Variants in COL22A1 observed in about 807,000 individuals in gnomAD.
The protein encoded by COL22A1 is collagen type XXII alpha 1 chain, also known as collagen alpha-1(XXII) chain.
In COL22A1, 221 loss-of-function variants were observed where a neutral mutation model predicts 248.9. The ratio of observed to expected loss-of-function variants is 0.89; its 90% CI spans 0.80 to 0.99. COL22A1 has a LOEUF of 0.99. Among genes scored for constraint, COL22A1 ranks in the 50% least tolerant of loss-of-function variants. The pLI is 0.00. For missense variants in COL22A1, 2,240 were observed against 2,179.0 expected (o/e 1.03, Z -0.56); for synonymous variants, 891 against 793.4 (o/e 1.12, Z -2.07).
At chr8:138,775,871 C>T in intron 16 of COL22A1, 95 bp downstream of exon 16, 1 of 1,174,588 alleles carries the variant, frequency 8.5e-7, no homozygotes, top group South Asian at 1.2e-5. Flanking sequence ...AATGTGTACA[C>T]ACACACACGA....
intron 1 of COL22A1, among the ~76,000 whole-genome samples, chr8:138,901,947 G>A (rs1482801646): frequency 1.3e-5 from 2 of 152,054 alleles, no homozygotes; most frequent in African/African-American, 2.4e-5. Context: ...CATGGTAAGC[G>A]AGCTCCCCAT....
At chr8:138,869,515 A>G (rs1823157041) in intron 3 of COL22A1, among the ~76,000 whole-genome samples, 1 of 152,260 alleles carries the variant, frequency 6.6e-6, no homozygotes, top group African/African-American at 2.4e-5. Context: ...CAGTGACCCA[A>G]CGGTTCCAGG....
intron 4 of COL22A1, among the ~76,000 whole-genome samples, chr8:138,833,430 G>C (rs1387895849): frequency 6.6e-6 from 1 of 152,214 alleles, no homozygotes; most frequent in African/African-American, 2.4e-5. Flanking sequence ...TGAGACAAAT[G>C]GAGGGTGTCC....
intron 9 of COL22A1, among the ~76,000 whole-genome samples, chr8:138,809,787 G>C (rs1818053865): frequency 2.0e-5 from 3 of 152,100 alleles, no homozygotes; most frequent in Admixed American, 1.3e-4. Context: ...CAAAGTGAGA[G>C]GGTGTATTTC....
chr8:138,761,535 G>A (rs952450549), intron 17 of COL22A1, among the ~76,000 whole-genome samples: 2 of 151,572 alleles, frequency 1.3e-5, no homozygotes, highest in Admixed American at 6.6e-5. Context: ...TATTAATATA[G>A]TATATTAGAA....
At chr8:138,692,463 ATGTGTGTGTGTG>A (rs145298366) in intron 35 of COL22A1, among the ~76,000 whole-genome samples, 3,056 of 136,118 alleles carry the variant, frequency 0.022, 55 homozygotes, top group Middle Eastern at 0.053. Flanking sequence ...GTGTGAGTGC[ATGTGTGTGTGTG>A]TGTGTGTGTG....
rs60847304 is a variant in COL22A1, at chr8:138,744,481, C to CCACACACA, written c.2086-6912_2086-6905dup. The stretch of plus-strand genomic sequence containing the variant: ...ATGCACATGGATACACACACACACA[C>CCACACACA]CACACACACACACACACACACACTC... On this transcript the variant is annotated intron_variant, in intron 22 of 64. Coordinates refer to ENST00000303045, the MANE Select transcript of COL22A1 (RefSeq NM_152888.3). Among the ~76,000 whole-genome samples, 476 of 148,746 alleles carry CCACACACA rather than the reference C, an allele frequency of 3.2e-3. 1 individual carries two copies. The highest frequency in any genetic ancestry group is 0.011 in the African/African-American group (460 of 40,782).
At chr8:138,702,171 T>C (rs1828025054) in intron 31 of COL22A1, among the ~76,000 whole-genome samples, 1 of 152,216 alleles carries the variant, frequency 6.6e-6, no homozygotes, top group East Asian at 1.9e-4. Context: ...CTCAAATAGG[T>C]GTGTCCAATC....
intron 2 of COL22A1, among the ~76,000 whole-genome samples, chr8:138,880,962 C>T (rs116166403): frequency 0.05 from 7,598 of 152,280 alleles, 239 homozygotes; most frequent in African/African-American, 0.059. Flanking sequence ...AGGGAACAGG[C>T]GGGATTGTGT....
At chr8:138,882,591 C>T (rs994079954) in intron 2 of COL22A1, among the ~76,000 whole-genome samples, 1 of 143,460 alleles carries the variant, frequency 7.0e-6, no homozygotes, top group African/African-American at 2.6e-5. Context: ...CACTGTCAAA[C>T]TCACACACTC....
intron 23 of COL22A1, among the ~76,000 whole-genome samples, chr8:138,725,937 T>C (rs1830272160): frequency 6.6e-6 from 1 of 152,134 alleles, no homozygotes; most frequent in South Asian, 2.1e-4. Flanking sequence ...TCTCTAGGTA[T>C]GGGGTGAGTG....
At chr8:138,651,874 C>A (rs1822766861) in intron 45 of COL22A1, among the ~76,000 whole-genome samples, 1 of 152,186 alleles carries the variant, frequency 6.6e-6, no homozygotes, top group Non-Finnish European at 1.5e-5. Flanking sequence ...AAAGATTATA[C>A]CTGAGTAATA....
intron 3 of COL22A1, among the ~76,000 whole-genome samples, chr8:138,867,307 A>G (rs1285474987): frequency 6.6e-6 from 1 of 152,210 alleles, no homozygotes; most frequent in Non-Finnish European, 1.5e-5. Flanking sequence ...TTCCCCATGC[A>G]GAACTCAAGA....
chr8:138,749,007 G>C (rs1879045), intron 22 of COL22A1, among the ~76,000 whole-genome samples: 1 of 152,132 alleles, frequency 6.6e-6, no homozygotes, highest in Non-Finnish European at 1.5e-5. Flanking sequence ...TAAGTCTCAC[G>C]AGATTTCATG....
At chr8:138,691,856 G>A (rs1432276959) in intron 35 of COL22A1, among the ~76,000 whole-genome samples, 2 of 77,360 alleles carry the variant, frequency 2.6e-5, no homozygotes, top group African/African-American at 9.0e-5. Flanking sequence ...GTGTGTGCAC[G>A]TGCGTGTGTG....
intron 43 of COL22A1, among the ~76,000 whole-genome samples, chr8:138,660,945 TAAAC>T (rs1564158567): frequency 1.4e-3 from 29 of 20,056 alleles, no homozygotes; most frequent in Non-Finnish European, 2.4e-3. Context: ...GACACACACA[TAAAC>T]ACACAGACAC....
Position 138,613,882 on chromosome 8 carries a change from T to C in COL22A1, c.3963A>G (p.Gly1321=). 6.2e-7 allele frequency: 1 copy of C among 1,613,920 alleles called. No individual in the cohort carries two copies. Among genetic ancestry groups the C allele is most frequent in the Non-Finnish European group, 8.5e-7 (1 of 1,179,818 alleles). ...CAAAACTCACCGGTGGGCCCCTTGG[T>C]CCTTGGGGACCCTGTGGCCCAGTGG... ...TGPTGPQGPQ[G]PRGPPGKNGS... The change falls in exon 56 of 65, where the codon GGA becomes GGG. Residue 1321 remains glycine (G), a synonymous_variant. Coordinates refer to ENST00000303045, the MANE Select transcript of COL22A1 (RefSeq NM_152888.3).
intron 35 of COL22A1, among the ~76,000 whole-genome samples, chr8:138,691,142 G>A (rs1408536980): frequency 2.0e-5 from 3 of 152,202 alleles, no homozygotes; most frequent in African/African-American, 4.8e-5. Context: ...GCACAGGGGT[G>A]TGGAGGAGCC....
intron 54 of COL22A1, 92 bp downstream of exon 54, chr8:138,616,822 C>T (rs2131914528): frequency 1.4e-6 from 2 of 1,468,286 alleles, no homozygotes; most frequent in Admixed American, 1.7e-5. Context: ...GGGTAAGGCA[C>T]TGCCATGGCC....
Sources: allele counts gnomAD v4.1 joint callset (sites outside exome capture counted in the v4.1 genomes callset), GRCh38; gene constraint gnomAD v4.1.1; transcripts MANE v1.5; gene names NCBI Gene and HGNC (gene_info 2026-07-23, HGNC 2026-07-21).